Variants in JAZF1 observed in about 807,000 individuals in gnomAD.
The protein encoded by JAZF1 is juxtaposed with another zinc finger protein 1.
In JAZF1, 8 loss-of-function variants were observed where a neutral mutation model predicts 26.4. That is an observed-to-expected ratio of 0.30 (90% CI 0.18 to 0.55). JAZF1 has a LOEUF of 0.55. Among genes scored for constraint, JAZF1 ranks in the 20% least tolerant of loss-of-function variants. The pLI, the probability that JAZF1 is intolerant of heterozygous loss-of-function variation, is 0.94. For synonymous variants in JAZF1, 126 were observed against 122.3 expected (o/e 1.03, Z -0.20); for missense variants, 199 against 322.0 (o/e 0.62, Z 2.92).
intron 1 of JAZF1, among the ~76,000 whole-genome samples, chr7:28,108,602 G>A (rs1333289106): frequency 1.3e-5 from 2 of 152,188 alleles, no homozygotes; most frequent in Non-Finnish European, 2.9e-5. Context: ...CTGTTGGCAG[G>A]AATGTAAACT....
chr7:28,144,047 G>T (rs1185373781), intron 1 of JAZF1, among the ~76,000 whole-genome samples: 3 of 152,214 alleles, frequency 2.0e-5, no homozygotes, highest in African/African-American at 4.8e-5. Context: ...GGTGTGTTAA[G>T]AGGAGGGAAA....
Position 27,904,649 on chromosome 7 carries a change from A to T in JAZF1, c.189-9233T>A, listed in dbSNP as rs867375625. Among the ~76,000 whole-genome samples the T allele has an allele frequency of 6.9e-5, 9 of 130,548 alleles. 1 individual carries two copies. The South Asian group carries it at 9.7e-4, about 14-fold the overall frequency. The allele number at this position is 130,548 out of a possible 152,430, so 85.6% of individuals were successfully genotyped here. A position where few individuals can be genotyped will look rare whatever the true frequency, so the allele number is the denominator to read the frequency against. On this transcript the variant is annotated intron_variant, in intron 2 of 4. Coordinates refer to ENST00000283928, the MANE Select transcript of JAZF1 (RefSeq NM_175061.4). ...CACGGGGTGGATTTTGAAGCTTCAT[A>T]GAACTTTTGCAGTATCACCGAAACT...
At chr7:27,988,721 T>C (rs1785816975) in intron 2 of JAZF1, among the ~76,000 whole-genome samples, 2 of 152,066 alleles carry the variant, frequency 1.3e-5, no homozygotes, top group Non-Finnish European at 2.9e-5. Flanking sequence ...TTTGAATCTA[T>C]TGTTATTTTC....
intron 1 of JAZF1, among the ~76,000 whole-genome samples, chr7:28,062,854 T>C (rs1783822256): frequency 6.6e-6 from 1 of 152,238 alleles, no homozygotes; most frequent in South Asian, 2.1e-4. Flanking sequence ...GTCTCCTCGT[T>C]TGACCCAGAC....
At chr7:27,880,263 A>T (rs1173325048) in intron 3 of JAZF1, among the ~76,000 whole-genome samples, 1 of 152,214 alleles carries the variant, frequency 6.6e-6, no homozygotes, top group Non-Finnish European at 1.5e-5. Flanking sequence ...AAAGCAAAAA[A>T]GGGAAGGAAA....
intron 2 of JAZF1, among the ~76,000 whole-genome samples, chr7:27,916,344 T>A (rs753757699): frequency 5.3e-5 from 8 of 152,212 alleles, no homozygotes; most frequent in Non-Finnish European, 1.0e-4. Context: ...ATACTTGTTA[T>A]TCATAGTACT....
intron 1 of JAZF1, among the ~76,000 whole-genome samples, chr7:28,157,609 G>T (rs778571618): frequency 1.3e-5 from 2 of 152,204 alleles, no homozygotes; most frequent in African/African-American, 4.8e-5. Context: ...ACCCCTGCCC[G>T]ATGGGAAGAT....
intron 1 of JAZF1, among the ~76,000 whole-genome samples, chr7:28,079,444 AC>A (rs1360303737): frequency 3.3e-5 from 5 of 152,166 alleles, no homozygotes; most frequent in African/African-American, 1.2e-4. Flanking sequence ...TCTGACAGAC[AC>A]TGATATAGAA....
rs113399875 is a variant in JAZF1 at position 27,832,253 on chromosome 7, T to C, written c.*547A>G. On this transcript the variant is annotated 3_prime_UTR_variant, in exon 5 of 5. Coordinates refer to ENST00000283928, the MANE Select transcript of JAZF1 (RefSeq NM_175061.4). Reference sequence around the variant, plus strand: ...ATGTTATTTAAATATGAAAATATTTTTAGCATATTATGTTAAACATTCTTT... The same window carrying C: ...ATGTTATTTAAATATGAAAATATTTCTAGCATATTATGTTAAACATTCTTT... 4.7e-6 allele frequency: 1 copy of C among 212,212 alleles called. No individual in the cohort carries two copies. Among genetic ancestry groups the C allele is most frequent in the East Asian group, 7.1e-5 (1 of 14,080 alleles). 13.1% of individuals were successfully genotyped at this position (212,212 alleles called of 1,614,324 possible).
intron 2 of JAZF1, among the ~76,000 whole-genome samples, chr7:27,990,142 G>T (rs1342757309): frequency 6.6e-6 from 1 of 152,196 alleles, no homozygotes; most frequent in Non-Finnish European, 1.5e-5. Context: ...TAGAGACATG[G>T]ATGAAGCTGG....
intron 3 of JAZF1, among the ~76,000 whole-genome samples, chr7:27,857,591 T>C (rs951461340): frequency 1.3e-5 from 2 of 152,156 alleles, no homozygotes; most frequent in African/African-American, 4.8e-5. Flanking sequence ...GTTCAACATA[T>C]GCAAATCAAT....
chr7:27,903,015 T>TA (rs60212939), intron 2 of JAZF1, among the ~76,000 whole-genome samples: 3,019 of 98,890 alleles, frequency 0.031, 69 homozygotes, highest in East Asian at 0.11. Context: ...GACTCCGTCT[T>TA]AAAAAAAAAA....
intron 2 of JAZF1, among the ~76,000 whole-genome samples, chr7:27,951,261 C>T (rs1392566213): frequency 6.6e-6 from 1 of 152,172 alleles, no homozygotes; most frequent in Non-Finnish European, 1.5e-5. Flanking sequence ...TACTCTGGCT[C>T]ACATACATCT....
At chr7:27,877,599 T>C (rs1243812919) in intron 3 of JAZF1, among the ~76,000 whole-genome samples, 3 of 152,180 alleles carry the variant, frequency 2.0e-5, no homozygotes, top group Non-Finnish European at 4.4e-5. Flanking sequence ...CCTTGGGTTC[T>C]GGTCAGCTGA....
chr7:28,074,512 T>C (rs779153260), intron 1 of JAZF1, among the ~76,000 whole-genome samples: 9 of 152,206 alleles, frequency 5.9e-5, no homozygotes, highest in Non-Finnish European at 8.8e-5. Flanking sequence ...TATGTGTACA[T>C]ACACACATAC....
intron 2 of JAZF1, among the ~76,000 whole-genome samples, chr7:27,986,655 CT>C (rs1785718233): frequency 9.1e-5 from 13 of 142,368 alleles, no homozygotes; most frequent in Admixed American, 1.4e-4. Context: ...CCCCCTCTCC[CT>C]CCCTCTCCCT....
intron 3 of JAZF1, among the ~76,000 whole-genome samples, chr7:27,850,367 C>G (rs1224062513): frequency 6.6e-6 from 1 of 152,194 alleles, no homozygotes; most frequent in Non-Finnish European, 1.5e-5. Context: ...TAGCTCATTA[C>G]TGGAATGTCA....
chr7:27,834,074 G>C, intron 4 of JAZF1, among the ~76,000 whole-genome samples: 1 of 152,158 alleles, frequency 6.6e-6, no homozygotes, highest in East Asian at 1.9e-4. Flanking sequence ...AGTCCTGCTA[G>C]AGCCAGTCCC....
chr7:27,840,904 GCTCAT>G lies in JAZF1; in HGVS notation c.386-42_386-38del, dbSNP rs1407893977. 6.2e-7 allele frequency: 1 copy of G among 1,606,024 alleles called. No individual in the cohort carries two copies. Among genetic ancestry groups the G allele is most frequent in the Non-Finnish European group, 8.5e-7 (1 of 1,175,230 alleles). On this transcript the variant is annotated intron_variant, in intron 3 of 4. Transcript: ENST00000283928. This position sits in a 1 kb window ranked among gnomAD's most constrained non-coding sequence, Gnocchi z 5.1. ...GAGAAGTGCAAGGACTGTCAGGAGC[GCTCAT>G]CTCCCCACAGGTTCACCCGGCCACT...
Sources: allele counts gnomAD v4.1 joint callset (sites outside exome capture counted in the v4.1 genomes callset), GRCh38; gene constraint gnomAD v4.1.1; non-coding constraint Gnocchi (gnomAD v3.1); transcripts MANE v1.5; gene names NCBI Gene and HGNC (gene_info 2026-07-23, HGNC 2026-07-21).